Variants in PRKN observed in about 807,000 individuals in gnomAD.
PRKN encodes the protein parkin RBR E3 ubiquitin protein ligase, also known as E3 ubiquitin-protein ligase parkin.
A neutral mutation model predicts 59.5 loss-of-function variants in PRKN; 56 were observed. That is an observed-to-expected ratio of 0.94 (90% confidence interval 0.76 to 1.18). The LOEUF (loss-of-function observed/expected upper bound fraction) is 1.18. PRKN is among the 50% of genes most tolerant of loss of function. PRKN has a pLI of 0.00. For synonymous variants in PRKN, 250 were observed against 222.1 expected (o/e 1.13, Z -1.12); for missense variants, 657 against 596.4 (o/e 1.10, Z -1.06).
At chr6:161,944,687 A>T (rs1779716263) in intron 6 of PRKN, among the ~76,000 whole-genome samples, 1 of 152,252 alleles carries the variant, frequency 6.6e-6, no homozygotes, top group African/African-American at 2.4e-5. Flanking sequence ...ATCTAAATAA[A>T]AGGTGAAAGA....
intron 6 of PRKN, among the ~76,000 whole-genome samples, chr6:161,801,234 C>T (rs374788229): frequency 1.6e-4 from 25 of 152,316 alleles, no homozygotes; most frequent in South Asian, 1.2e-3. Context: ...GCGGATGCTA[C>T]GGACATTTGC....
intron 7 of PRKN, among the ~76,000 whole-genome samples, chr6:161,678,438 C>T (rs187623669): frequency 4.8e-4 from 72 of 151,550 alleles, no homozygotes; most frequent in African/African-American, 1.6e-3. Flanking sequence ...AAAGCTCTTA[C>T]CACAAATTAA....
chr6:162,384,547 G>T (rs987682712), intron 2 of PRKN, among the ~76,000 whole-genome samples: 1 of 148,862 alleles, frequency 6.7e-6, no homozygotes, highest in African/African-American at 2.5e-5. Context: ...AATATTGCAA[G>T]AATTACCAAA....
intron 1 of PRKN, among the ~76,000 whole-genome samples, chr6:162,651,330 C>A (rs6932746): frequency 6.6e-6 from 1 of 152,048 alleles, no homozygotes; most frequent in Non-Finnish European, 1.5e-5. Flanking sequence ...CACATACACA[C>A]GTGCACACCG....
intron 9 of PRKN, among the ~76,000 whole-genome samples, chr6:161,537,284 A>G (rs1779447046): frequency 6.6e-6 from 1 of 152,190 alleles, no homozygotes; most frequent in Non-Finnish European, 1.5e-5. Context: ...TCCAAGCTCT[A>G]CATTCTTTAA....
intron 6 of PRKN, among the ~76,000 whole-genome samples, chr6:161,827,477 G>T (rs1247706774): frequency 6.6e-6 from 1 of 150,494 alleles, no homozygotes; most frequent in African/African-American, 2.4e-5. Flanking sequence ...AGAAATTAGG[G>T]CTCTACCTTG....
intron 6 of PRKN, among the ~76,000 whole-genome samples, chr6:161,906,538 T>C (rs1583328222): frequency 6.6e-6 from 1 of 151,972 alleles, no homozygotes; most frequent in East Asian, 1.9e-4. Flanking sequence ...TTAGATGATT[T>C]CCAGTAGCTT....
In PRKN at chr6:162,563,285, C is replaced by A. The variant is rs563583980; in HGVS notation, c.8-119812G>T. Among the ~76,000 whole-genome samples, 3 of 149,366 alleles carry A rather than the reference C, an allele frequency of 2.0e-5. No individual in the cohort carries two copies. The Admixed American group carries it at 2.0e-4, about 10-fold the overall frequency. On this transcript the variant is annotated intron_variant, in intron 1 of 11. Transcript: ENST00000366898. ...CGCCACTGCACTCCAGCTTCGGCGA[C>A]AGAGCGAGACTCCATCTTAAAAAAC... is the stretch of plus-strand genomic sequence containing the variant.
intron 4 of PRKN, among the ~76,000 whole-genome samples, chr6:162,134,327 G>A (rs1470188001): frequency 1.3e-5 from 2 of 152,096 alleles, no homozygotes; most frequent in Admixed American, 6.6e-5. Context: ...CCAGACTTTG[G>A]GTTAAAGGAA....
intron 4 of PRKN, among the ~76,000 whole-genome samples, chr6:162,189,829 G>GAGC: frequency 6.8e-6 from 1 of 147,128 alleles, no homozygotes. Flanking sequence ...CAAAGACAAA[G>GAGC]AGCATGGTTC....
chr6:161,887,668 T>C (rs116833156), intron 6 of PRKN, among the ~76,000 whole-genome samples: 2 of 152,324 alleles, frequency 1.3e-5, no homozygotes, highest in African/African-American at 4.8e-5. Flanking sequence ...TTCCAGCAGA[T>C]AGCAATGTGT....
intron 6 of PRKN, among the ~76,000 whole-genome samples, chr6:161,961,084 C>A (rs1256128498): frequency 6.6e-6 from 1 of 152,168 alleles, no homozygotes; most frequent in South Asian, 2.1e-4. Context: ...AATAGTTGGA[C>A]CTTCTCCAGC....
At chr6:162,495,347 C>G (rs1015791880) in intron 1 of PRKN, among the ~76,000 whole-genome samples, 6 of 152,188 alleles carry the variant, frequency 3.9e-5, no homozygotes, top group Non-Finnish European at 8.8e-5. Context: ...CTCAGGCTTT[C>G]TGATCTGTAC....
chr6:162,519,848 G>A (rs1778015771), intron 1 of PRKN, among the ~76,000 whole-genome samples: 1 of 152,078 alleles, frequency 6.6e-6, no homozygotes, highest in South Asian at 2.1e-4. Context: ...ATATATGAAG[G>A]AAATCTAAAA....
chr6:161,847,673 T>G (rs1025927714), intron 6 of PRKN, among the ~76,000 whole-genome samples: 5 of 152,154 alleles, frequency 3.3e-5, no homozygotes, highest in African/African-American at 1.2e-4. Flanking sequence ...GTAAAAAAAT[T>G]GAATCCGGGG....
chr6:161,822,105 T>C (rs1460129252), intron 6 of PRKN, among the ~76,000 whole-genome samples: 1 of 132,222 alleles, frequency 7.6e-6, no homozygotes, highest in Non-Finnish European at 1.7e-5. Flanking sequence ...TCAGACCATT[T>C]GCTGTTCTCT....
intron 6 of PRKN, among the ~76,000 whole-genome samples, chr6:161,959,312 C>A (rs184610139): frequency 6.6e-6 from 1 of 152,234 alleles, no homozygotes; most frequent in East Asian, 1.9e-4. Context: ...GCTGAGCGAG[C>A]TGGGGATCTA....
At chr6:162,627,341 T>C (rs1782935937) in intron 1 of PRKN, among the ~76,000 whole-genome samples, 3 of 152,168 alleles carry the variant, frequency 2.0e-5, no homozygotes. Flanking sequence ...TTTTAAGAGG[T>C]TATTCAAAAA....
chr6:161,754,899 T>A (rs1170619663), intron 7 of PRKN, among the ~76,000 whole-genome samples: 3 of 152,114 alleles, frequency 2.0e-5, no homozygotes, highest in Non-Finnish European at 2.9e-5. Flanking sequence ...AAGCACAAAC[T>A]TTTTCACCCA....
Sources: allele counts gnomAD v4.1 joint callset (sites outside exome capture counted in the v4.1 genomes callset), GRCh38; gene constraint gnomAD v4.1.1; transcripts MANE v1.5; gene names NCBI Gene and HGNC (gene_info 2026-07-23, HGNC 2026-07-21).